Variants in TCF7L2 observed in about 807,000 individuals in gnomAD.
TCF7L2 encodes transcription factor 7 like 2.
TCF7L2 carries 23 observed loss-of-function variants against 77.9 expected under a neutral mutation model. That is an observed-to-expected ratio of 0.30 (90% confidence interval 0.21 to 0.42). The LOEUF is 0.42. Among genes scored for constraint, TCF7L2 ranks in the 10% least tolerant of loss-of-function variants. The pLI, the probability that TCF7L2 is intolerant of heterozygous loss-of-function variation, is 1.00. For missense variants in TCF7L2, 654 were observed against 793.1 expected (o/e 0.82, Z 2.11); for synonymous variants, 413 against 340.2 (o/e 1.21, Z -2.36).
intron 4 of TCF7L2, among the ~76,000 whole-genome samples, chr10:112,982,700 A>G (rs2040702670): frequency 6.6e-6 from 1 of 152,130 alleles, no homozygotes; most frequent in Non-Finnish European, 1.5e-5. Context: ...GGCTCATTGC[A>G]GCCTCCATCC....
chr10:112,961,703 C>T (rs1045043146), intron 3 of TCF7L2, among the ~76,000 whole-genome samples: 5 of 152,066 alleles, frequency 3.3e-5, no homozygotes, highest in Admixed American at 1.3e-4. Flanking sequence ...ATCTCTCCAG[C>T]GCAATGGTTG....
chr10:112,951,221 T>A lies in TCF7L2; in HGVS notation c.204T>A (p.Pro68=), dbSNP rs1231785292. The change falls in exon 2 of 14, where the codon CCT becomes CCA. Residue 68 remains proline (P), a synonymous_variant. Coordinates refer to ENST00000627217, the MANE Select transcript of TCF7L2 (RefSeq NM_001146274.2). ...CCTCTGGGAAGGCGGAAAGACGGCC[T>A]CCGCCTCGCTCCGAAAGTTTCCGAG... 1 of 1,574,920 alleles carries A rather than the reference T, an allele frequency of 6.3e-7. No individual in the cohort carries two copies. The highest frequency in any genetic ancestry group is 1.1e-5 in the South Asian group (1 of 87,558).
At chr10:113,131,283 T>C (rs2066559729) in intron 5 of TCF7L2, among the ~76,000 whole-genome samples, 1 of 152,218 alleles carries the variant, frequency 6.6e-6, no homozygotes, top group Non-Finnish European at 1.5e-5. Context: ...ATTCTGTGTG[T>C]CAAATTAAAA....
At chr10:113,146,689 C>T (rs1200556992) in intron 8 of TCF7L2, among the ~76,000 whole-genome samples, 1 of 151,324 alleles carries the variant, frequency 6.6e-6, no homozygotes, top group Non-Finnish European at 1.5e-5. Context: ...GCAATATAGC[C>T]AAAATATTAT....
Position 112,951,572 on chromosome 10 carries a change from C to T in TCF7L2, c.346C>T (p.Leu116Phe). Reference sequence around the variant, plus strand: ...GATCCCCGACCTGACGAGCCCCTACCTCCCCAACGGATCGCTCTCGCCCAC... The same window carrying T: ...GATCCCCGACCTGACGAGCCCCTACTTCCCCAACGGATCGCTCTCGCCCAC... Residue 116 changes from leucine (L) to phenylalanine (F), a missense_variant, in exon 3 of 14, where the codon CTC becomes TTC. Leu to Phe is a conservative substitution (Grantham distance 22). This residue lies in a region of TCF7L2 where 132 missense variants were observed against 123.7 expected (regional missense o/e 1.07). Coordinates refer to ENST00000627217, the MANE Select transcript of TCF7L2 (RefSeq NM_001146274.2). The T allele has an allele frequency of 7.2e-7, 1 of 1,380,100 alleles. No homozygotes were observed. The highest frequency in any genetic ancestry group is 9.6e-7 in the Non-Finnish European group (1 of 1,038,902). 85.5% of individuals were successfully genotyped at this position (1,380,100 alleles called of 1,614,324 possible). A position where few individuals can be genotyped will look rare whatever the true frequency, so the allele number is the denominator to read the frequency against.
intron 5 of TCF7L2, among the ~76,000 whole-genome samples, chr10:113,080,261 A>C (rs2059189608): frequency 6.6e-6 from 1 of 151,770 alleles, no homozygotes; most frequent in Non-Finnish European, 1.5e-5. Flanking sequence ...ATGCCATGAA[A>C]ACTTCACCTC....
At chr10:113,143,801 A>C (rs2068798928) in intron 6 of TCF7L2, 122 bp from the exon 7 acceptor site, 2 of 670,098 alleles carry the variant, frequency 3.0e-6, no homozygotes, top group South Asian at 4.3e-5. Context: ...ATCATGAATG[A>C]ACCTTGTGCT....
chr10:113,000,518 A>C (rs976745971), intron 4 of TCF7L2, among the ~76,000 whole-genome samples: 2 of 152,210 alleles, frequency 1.3e-5, no homozygotes, highest in Non-Finnish European at 2.9e-5. Flanking sequence ...CAGATCCTGG[A>C]TTTAACCAGC....
intron 5 of TCF7L2, among the ~76,000 whole-genome samples, chr10:113,113,425 A>G (rs886694838): frequency 1.3e-5 from 2 of 152,214 alleles, no homozygotes; most frequent in Admixed American, 6.5e-5. Context: ...CTATTTAGAC[A>G]TGAATCACAG....
At chr10:113,083,697 G>T (rs1171144747) in intron 5 of TCF7L2, among the ~76,000 whole-genome samples, 1 of 152,186 alleles carries the variant, frequency 6.6e-6, no homozygotes, top group African/African-American at 2.4e-5. Context: ...GCATCCTTGT[G>T]TGTGAATACA....
chr10:113,024,014 G>T (rs1005784165), intron 4 of TCF7L2, among the ~76,000 whole-genome samples: 8 of 151,848 alleles, frequency 5.3e-5, no homozygotes, highest in Non-Finnish European at 1.0e-4. Flanking sequence ...TGTCCAACCT[G>T]GTGCTGGGCT....
intron 4 of TCF7L2, among the ~76,000 whole-genome samples, chr10:112,991,425 G>C (rs146994784): frequency 3.5e-5 from 5 of 143,458 alleles, no homozygotes; most frequent in Non-Finnish European, 7.4e-5. Flanking sequence ...GGAGAATGGC[G>C]TGAACCCGGG....
At chr10:113,154,110 G>C (rs1220669099) in intron 11 of TCF7L2, among the ~76,000 whole-genome samples, 1 of 152,194 alleles carries the variant, frequency 6.6e-6, no homozygotes, top group Non-Finnish European at 1.5e-5. Flanking sequence ...CCACTGCTTG[G>C]GACCTTTCTG....
chr10:113,060,438 C>G lies in TCF7L2; in HGVS notation c.552+20312C>G, dbSNP rs933822683. Among the ~76,000 whole-genome samples, 4 of 152,030 alleles carry G rather than the reference C, an allele frequency of 2.6e-5. No individual in the cohort carries two copies. The East Asian group carries it at 7.7e-4, about 29-fold the overall frequency. ...TTACTTCTTCAGGACCGAATGCACT[C>G]GAGTTGTTTGTTAGATAAACTTGTT... is the stretch of plus-strand genomic sequence containing the variant. On this transcript the variant is annotated intron_variant, in intron 5 of 13. Coordinates refer to ENST00000627217, the MANE Select transcript of TCF7L2 (RefSeq NM_001146274.2).
chr10:112,989,184 A>T lies in TCF7L2; in HGVS notation c.450+24560A>T, dbSNP rs574743458. ...GTAGGTTCCTGTGTCTCCCTGTAAA[A>T]TGAAAGCCTCTTTTTTCCAAGGTCC... is the stretch of plus-strand genomic sequence containing the variant. On this transcript the variant is annotated intron_variant, in intron 4 of 13. Transcript: ENST00000627217. Among the ~76,000 whole-genome samples the T allele has an allele frequency of 2.0e-5, 3 of 152,126 alleles. No individual in the cohort carries two copies. In the South Asian group the frequency reaches 6.2e-4, roughly 32 times the overall value.
At chr10:113,026,794 G>A (rs2049257376) in intron 4 of TCF7L2, among the ~76,000 whole-genome samples, 1 of 152,180 alleles carries the variant, frequency 6.6e-6, no homozygotes, top group South Asian at 2.1e-4. Flanking sequence ...GGTCAGAGCT[G>A]GTTGGGATTA....
At position 113,141,241 on chromosome 10, in the gene TCF7L2, A is replaced by G; in HGVS notation, c.610A>G (p.Ile204Val). 1.9e-6 allele frequency: 3 copies of G among 1,614,192 alleles called. No individual in the cohort carries two copies. Among genetic ancestry groups the G allele is most frequent in the Non-Finnish European group, 2.5e-6 (3 of 1,180,040 alleles). The change falls in exon 6 of 14, where the codon ATC (isoleucine) becomes GTC (valine). Residue 204 changes from isoleucine to valine, a missense_variant. Physicochemically the swap from Ile to Val is conservative, Grantham distance 29. Transcript: ENST00000627217. ...CCATGTCCACCCCCTCACGCCTCTT[A>G]TCACGTACAGCAATGAACACTTCAC...
At chr10:113,163,773 C>T (rs1219549742) in intron 13 of TCF7L2, among the ~76,000 whole-genome samples, 2 of 152,058 alleles carry the variant, frequency 1.3e-5, no homozygotes, top group African/African-American at 2.4e-5. Flanking sequence ...CACTAGCCCC[C>T]ATGAATCTCA....
intron 4 of TCF7L2, among the ~76,000 whole-genome samples, chr10:113,007,594 G>C (rs2045788839): frequency 6.6e-6 from 1 of 152,240 alleles, no homozygotes; most frequent in South Asian, 2.1e-4. Context: ...CGAGGCTGGA[G>C]TAAACAGAGT....
Sources: gnomAD v4.1 joint callset for allele counts (sites outside exome capture counted in the v4.1 genomes callset) on GRCh38, gnomAD v4.1.1 for gene constraint, gnomAD v4.1.1 regional missense constraint, MANE v1.5 for transcripts, NCBI Gene and HGNC (gene_info 2026-07-23, HGNC 2026-07-21) for gene names.